The following ZNF385B variants were observed in gnomAD, a reference collection of about 807,000 sequenced individuals.
The protein encoded by ZNF385B is zinc finger protein 533.
A neutral mutation model predicts 39.2 loss-of-function variants in ZNF385B; 23 were observed. The ratio of observed to expected loss-of-function variants is 0.59; its 90% CI spans 0.42 to 0.83. The LOEUF (loss-of-function observed/expected upper bound fraction) is 0.83. Ranked by LOEUF, ZNF385B falls within the 40% of genes least tolerant of loss-of-function variation. The pLI is 0.00. For missense variants in ZNF385B, 552 were observed against 598.9 expected (o/e 0.92, Z 0.82); for synonymous variants, 205 against 222.6 (o/e 0.92, Z 0.70).
At chr2:179,852,792 T>C (rs1684283624) in intron 1 of ZNF385B, among the ~76,000 whole-genome samples, 1 of 152,122 alleles carries the variant, frequency 6.6e-6, no homozygotes, top group Non-Finnish European at 1.5e-5. Flanking sequence ...ACCTAGTGAG[T>C]CAGAGCTTTC....
intron 3 of ZNF385B, among the ~76,000 whole-genome samples, chr2:179,597,938 G>T (rs1688123490): frequency 6.6e-6 from 1 of 152,100 alleles, no homozygotes; most frequent in Admixed American, 6.5e-5. Context: ...CTTCACTAGA[G>T]CTCAAGATTT....
At chr2:179,834,338 G>A (rs1458345706) in intron 1 of ZNF385B, among the ~76,000 whole-genome samples, 1 of 152,122 alleles carries the variant, frequency 6.6e-6, no homozygotes, top group African/African-American at 2.4e-5. Context: ...AAGTGAGCCT[G>A]AACCTCCTTC....
intron 1 of ZNF385B, among the ~76,000 whole-genome samples, chr2:179,785,169 A>G (rs1273076608): frequency 1.3e-5 from 2 of 152,094 alleles, no homozygotes; most frequent in Non-Finnish European, 2.9e-5. Flanking sequence ...TGTAAAACAA[A>G]TCAATGCTCT....
intron 3 of ZNF385B, among the ~76,000 whole-genome samples, chr2:179,684,303 C>T (rs988288065): frequency 1.3e-5 from 2 of 152,172 alleles, no homozygotes; most frequent in Admixed American, 6.5e-5. Context: ...GAACCACAAT[C>T]GGAGTGGTTT....
chr2:179,720,925 GTTTTTTT>G (rs56131510), intron 3 of ZNF385B, among the ~76,000 whole-genome samples: 1 of 70,134 alleles, frequency 1.4e-5, no homozygotes, highest in Non-Finnish European at 2.6e-5. Context: ...ATGCCTGGCT[GTTTTTTT>G]TTTTTTTTTT....
At chr2:179,738,688 G>C (rs760097266) in intron 3 of ZNF385B, among the ~76,000 whole-genome samples, 2 of 152,166 alleles carry the variant, frequency 1.3e-5, no homozygotes, top group African/African-American at 2.4e-5. Context: ...CTGATTCCTA[G>C]ATAGCAGCTG....
intron 6 of ZNF385B, among the ~76,000 whole-genome samples, chr2:179,460,316 C>T (rs1486868431): frequency 6.6e-6 from 1 of 152,060 alleles, no homozygotes; most frequent in African/African-American, 2.4e-5. Context: ...TGTCCTCACT[C>T]AGTCCTGGGT....
At chr2:179,475,195 G>A (rs1411462558) in intron 6 of ZNF385B, among the ~76,000 whole-genome samples, 2 of 151,518 alleles carry the variant, frequency 1.3e-5, no homozygotes, top group Admixed American at 1.3e-4. Context: ...GTTACATGCT[G>A]TTAGTCATAG....
At chr2:179,588,534 A>G (rs968948046) in intron 3 of ZNF385B, among the ~76,000 whole-genome samples, 2 of 152,000 alleles carry the variant, frequency 1.3e-5, no homozygotes, top group African/African-American at 4.8e-5. Context: ...GTGGTATTTG[A>G]GTTCTGTCAC....
chr2:179,467,098 T>C (rs1304183067), intron 6 of ZNF385B, among the ~76,000 whole-genome samples: 1 of 152,024 alleles, frequency 6.6e-6, no homozygotes, highest in Non-Finnish European at 1.5e-5. Context: ...CTTCGTGTGT[T>C]GGCGATGGTA....
rs138756846 is a variant in ZNF385B, at chr2:179,806,042, G to T, written c.-154-35370C>A. On this transcript the variant is annotated intron_variant, in intron 1 of 9. Transcript: ENST00000410066. ...ATATCTTAAACCTGATGAAAAAGCA[G>T]AAATCATTAAGGAAGATTGTTAAAT... Among the ~76,000 whole-genome samples the T allele has an allele frequency of 3.9e-5, 6 of 152,168 alleles. No homozygotes were observed. In the East Asian group the frequency reaches 1.2e-3, roughly 29 times the overall value.
chr2:179,482,075 A>G (rs775857709), intron 6 of ZNF385B, among the ~76,000 whole-genome samples: 4 of 152,202 alleles, frequency 2.6e-5, no homozygotes, highest in Non-Finnish European at 5.9e-5. Flanking sequence ...AGTCTTTATT[A>G]CCAAATTTAG....
Position 179,518,640 on chromosome 2 carries a change from T to C in ZNF385B, c.442-2A>G. On this transcript the variant is annotated splice_acceptor_variant, in intron 4 of 9. Coordinates refer to ENST00000410066, the MANE Select transcript of ZNF385B (RefSeq NM_152520.6). LOFTEE classifies it high-confidence loss of function. ...AACCGCTTTTTGCACAGGATCCATC[T>C]GAAGAACAAATGAAAAAATAGTCAA... 6.4e-7 allele frequency: 1 copy of C among 1,560,126 alleles called. No individual in the cohort carries two copies. Among genetic ancestry groups the C allele is most frequent in the Non-Finnish European group, 8.7e-7 (1 of 1,154,444 alleles).
chr2:179,799,446 C>T (rs1705892006), intron 1 of ZNF385B, among the ~76,000 whole-genome samples: 1 of 151,964 alleles, frequency 6.6e-6, no homozygotes, highest in African/African-American at 2.4e-5. Flanking sequence ...TCTGCAGGAA[C>T]AAATATTCCA....
intron 3 of ZNF385B, among the ~76,000 whole-genome samples, chr2:179,639,248 A>AAAAAAG (rs1288891564): frequency 1.0e-5 from 1 of 98,944 alleles, no homozygotes; most frequent in Non-Finnish European, 2.4e-5. Context: ...AAAAAAAAAA[A>AAAAAAG]AGGGGGAGAA....
intron 1 of ZNF385B, among the ~76,000 whole-genome samples, chr2:179,800,358 T>G (rs539533642): frequency 1.3e-5 from 2 of 151,980 alleles, no homozygotes; most frequent in Non-Finnish European, 2.9e-5. Context: ...TAGTTGCCCT[T>G]TTTGGACACT....
intron 3 of ZNF385B, among the ~76,000 whole-genome samples, chr2:179,572,030 G>T (rs1452618972): frequency 6.6e-6 from 1 of 151,974 alleles, no homozygotes; most frequent in Non-Finnish European, 1.5e-5. Context: ...GCCTGGGAGT[G>T]GCCTCAGGGT....
At chr2:179,665,215 A>G (rs1254026163) in intron 3 of ZNF385B, among the ~76,000 whole-genome samples, 1 of 152,224 alleles carries the variant, frequency 6.6e-6, no homozygotes, top group Non-Finnish European at 1.5e-5. Flanking sequence ...TGTGAAATAA[A>G]CAACATAAAG....
At chr2:179,685,679 C>T (rs1697866609) in intron 3 of ZNF385B, among the ~76,000 whole-genome samples, 1 of 142,790 alleles carries the variant, frequency 7.0e-6, no homozygotes, top group African/African-American at 2.7e-5. Context: ...AGCACAGGGC[C>T]TGACACAGAA....
Sources: allele counts gnomAD v4.1 joint callset (sites outside exome capture counted in the v4.1 genomes callset), GRCh38; gene constraint gnomAD v4.1.1; transcripts MANE v1.5; gene names NCBI Gene and HGNC (gene_info 2026-07-23, HGNC 2026-07-21).